Variants in SNTG1 observed in about 807,000 individuals in gnomAD.
SNTG1 encodes the protein syntrophin gamma 1, also known as gamma-1-syntrophin.
Under a neutral mutation model 74.7 loss-of-function variants are expected in SNTG1, and 39 were observed. The ratio of observed to expected loss-of-function variants is 0.52; its 90% CI spans 0.40 to 0.68. SNTG1 has a LOEUF of 0.68. Ranked by LOEUF, SNTG1 falls within the 30% of genes least tolerant of loss-of-function variation. The probability of loss-of-function intolerance (pLI) is 0.00; values close to 1 mark genes in which losing one functional copy is unlikely to be tolerated. For missense variants in SNTG1, 685 were observed against 609.5 expected (o/e 1.12, Z -1.30); for synonymous variants, 254 against 217.1 (o/e 1.17, Z -1.49).
At chr8:50,539,049 T>A (rs905416988) in intron 11 of SNTG1, among the ~76,000 whole-genome samples, 2 of 152,314 alleles carry the variant, frequency 1.3e-5, no homozygotes, top group Non-Finnish European at 1.5e-5. Flanking sequence ...TTGAAGTTTT[T>A]AAAAATATTT....
At position 50,237,356 on chromosome 8, in the gene SNTG1, G is replaced by A. The variant is rs571201198; in HGVS notation, c.-28+64721G>A. Among the ~76,000 whole-genome samples the A allele has an allele frequency of 2.2e-4, 33 of 152,190 alleles. No individual in the cohort carries two copies. In the East Asian group the frequency reaches 4.6e-3, roughly 21 times the overall value. On this transcript the variant is annotated intron_variant, in intron 2 of 18. Coordinates refer to ENST00000642720, the MANE Select transcript of SNTG1 (RefSeq NM_018967.5). ...TTTTTGGCAAGAATACTTTATTGGT[G>A]ATGTCATGTACATCTATCAGATGCC... is the stretch of plus-strand genomic sequence containing the variant.
intron 18 of SNTG1, among the ~76,000 whole-genome samples, chr8:50,757,396 T>G (rs1454088489): frequency 6.6e-6 from 1 of 151,874 alleles, no homozygotes; most frequent in East Asian, 1.9e-4. Context: ...TTGTTACGTC[T>G]TTTTTGGATA....
chr8:50,344,686 C>G (rs1305860146), intron 2 of SNTG1, among the ~76,000 whole-genome samples: 1 of 152,134 alleles, frequency 6.6e-6, no homozygotes, highest in Admixed American at 6.6e-5. Context: ...GGCGAAGATC[C>G]AGCACAGATG....
chr8:50,438,336 C>T (rs2093325725), intron 4 of SNTG1, among the ~76,000 whole-genome samples: 1 of 152,012 alleles, frequency 6.6e-6, no homozygotes, highest in Admixed American at 6.6e-5. Flanking sequence ...CGCTTCAGTC[C>T]CTGTTATTTT....
At chr8:50,291,252 G>A (rs1377907817) in intron 2 of SNTG1, among the ~76,000 whole-genome samples, 1 of 151,910 alleles carries the variant, frequency 6.6e-6, no homozygotes, top group East Asian at 1.9e-4. Context: ...ATGTGTGTGT[G>A]TGTGTGTGTG....
chr8:49,920,502 A>C (rs1806435188), intron 1 of SNTG1, among the ~76,000 whole-genome samples: 1 of 152,040 alleles, frequency 6.6e-6, no homozygotes, highest in South Asian at 2.1e-4. Context: ...TTCTTATAAC[A>C]CCTATTATAG....
In SNTG1 at chr8:50,472,589, A is replaced by G. The variant is rs545389180; in HGVS notation, c.363+21860A>G. The stretch of plus-strand genomic sequence containing the variant: ...AAACTCATACAAGAAAACAGAGAAA[A>G]GCTTTATACCATCAGATTAGGCAAG... On this transcript the variant is annotated intron_variant, in intron 8 of 18. Transcript: ENST00000642720. 1.1e-4 allele frequency among the ~76,000 whole-genome samples: 16 copies of G among 152,254 alleles called. No individual in the cohort carries two copies. The South Asian group carries it at 2.9e-3, about 28-fold the overall frequency.
At chr8:50,148,244 G>A (rs1248993444) in intron 1 of SNTG1, among the ~76,000 whole-genome samples, 1 of 152,040 alleles carries the variant, frequency 6.6e-6, no homozygotes, top group Non-Finnish European at 1.5e-5. Flanking sequence ...TATGGCACAG[G>A]GGGATCTTCC....
intron 1 of SNTG1, among the ~76,000 whole-genome samples, chr8:50,084,998 AAAC>A (rs1822749709): frequency 6.6e-6 from 1 of 152,194 alleles, no homozygotes; most frequent in African/African-American, 2.4e-5. Flanking sequence ...CAAGAAACAA[AAAC>A]AACATGTTTG....
At chr8:50,481,019 ATAACTTTATCATTTAAGGT>A (rs1306968139) in intron 8 of SNTG1, among the ~76,000 whole-genome samples, 2 of 152,192 alleles carry the variant, frequency 1.3e-5, no homozygotes, top group Non-Finnish European at 2.9e-5. Context: ...CTTGCCATAA[ATAACTTTATCATTTAAGGT>A]GGCAGCACCC....
chr8:50,578,411 G>A (rs2094588873), intron 12 of SNTG1, among the ~76,000 whole-genome samples: 1 of 57,732 alleles, frequency 1.7e-5, no homozygotes, highest in South Asian at 4.4e-4. Context: ...AAAAGTGAGA[G>A]GATGAGAGAG....
intron 15 of SNTG1, among the ~76,000 whole-genome samples, chr8:50,669,455 T>G (rs1239640422): frequency 6.6e-6 from 1 of 152,140 alleles, no homozygotes; most frequent in Non-Finnish European, 1.5e-5. Context: ...AATGGATAAA[T>G]TCCTCGACAC....
chr8:50,673,643 C>T (rs2131357621), intron 15 of SNTG1, among the ~76,000 whole-genome samples: 1 of 152,258 alleles, frequency 6.6e-6, no homozygotes, highest in South Asian at 2.1e-4. Context: ...TTGACTGCCT[C>T]TCTTCCTATC....
chr8:50,065,627 G>GT (rs1332271835), intron 1 of SNTG1, among the ~76,000 whole-genome samples: 3 of 151,998 alleles, frequency 2.0e-5, no homozygotes, highest in Non-Finnish European at 4.4e-5. Flanking sequence ...TATTATAGAC[G>GT]TTTTCAGGAT....
At chr8:50,336,947 A>T (rs942134308) in intron 2 of SNTG1, among the ~76,000 whole-genome samples, 2 of 152,242 alleles carry the variant, frequency 1.3e-5, no homozygotes, top group African/African-American at 4.8e-5. Context: ...GCATTATTAA[A>T]GAAAATAACT....
intron 2 of SNTG1, among the ~76,000 whole-genome samples, chr8:50,245,967 C>T (rs1465171023): frequency 6.6e-6 from 1 of 151,794 alleles, no homozygotes; most frequent in African/African-American, 2.4e-5. Context: ...AACCGCTAAA[C>T]AATTATAATT....
intron 2 of SNTG1, among the ~76,000 whole-genome samples, chr8:50,208,497 G>A (rs937580211): frequency 3.4e-4 from 51 of 152,076 alleles, no homozygotes; most frequent in African/African-American, 1.2e-3. Context: ...ACACTGACGG[G>A]TCTTGACTGT....
chr8:50,142,427 TA>T (rs1281756972), intron 1 of SNTG1, among the ~76,000 whole-genome samples: 2 of 151,574 alleles, frequency 1.3e-5, no homozygotes, highest in Non-Finnish European at 2.9e-5. Context: ...ATAGCAAACA[TA>T]AAAATTTTGC....
intron 1 of SNTG1, among the ~76,000 whole-genome samples, chr8:50,091,147 A>G (rs1452127468): frequency 1.3e-5 from 2 of 152,098 alleles, no homozygotes; most frequent in Admixed American, 1.3e-4. Flanking sequence ...AGAGAAAATG[A>G]GATTATCTAT....
Sources: allele counts gnomAD v4.1 joint callset (sites outside exome capture counted in the v4.1 genomes callset), GRCh38; gene constraint gnomAD v4.1.1; transcripts MANE v1.5; gene names NCBI Gene and HGNC (gene_info 2026-07-23, HGNC 2026-07-21).